The following BICC1 variants were observed in gnomAD, a reference collection of about 807,000 sequenced individuals.
BICC1 encodes the protein BicC family RNA binding protein 1, also known as protein bicaudal C homolog 1.
A neutral mutation model predicts 111.0 loss-of-function variants in BICC1; 43 were observed. The ratio of observed to expected loss-of-function variants is 0.39; its 90% CI spans 0.30 to 0.50. The LOEUF (loss-of-function observed/expected upper bound fraction) is 0.50. BICC1 is among the 20% of genes least tolerant of loss of function. BICC1 has a pLI of 0.88. For missense variants in BICC1, 1,091 were observed against 1,203.2 expected, an observed-to-expected ratio of 0.91 and a Z score of 1.38; for synonymous variants, 467 against 434.4, an observed-to-expected ratio of 1.07 and a Z score of -0.93.
chr10:58,720,538 G>C lies in BICC1; in HGVS notation c.307+18395G>C, dbSNP rs139592697. Among the ~76,000 whole-genome samples, 3 of 152,276 alleles carry C rather than the reference G, an allele frequency of 2.0e-5. No homozygotes were observed. The East Asian group carries it at 5.8e-4, about 29-fold the overall frequency. On this transcript the variant is annotated intron_variant, in intron 3 of 20. Coordinates refer to ENST00000373886, the MANE Select transcript of BICC1 (RefSeq NM_001080512.3). ...ATTCCTTAAGTATTGATAATTTCTA[G>C]TGTGGATCTCAAAGGGCTGGGGCAT...
chr10:58,715,756 A>C, intron 3 of BICC1: 1 of 1,503,160 alleles, frequency 6.7e-7, no homozygotes, highest in Non-Finnish European at 9.2e-7. Context: ...ATGAATGAGA[A>C]CTGGAAGAAA....
At chr10:58,608,025 A>G (rs1050411991) in intron 1 of BICC1, among the ~76,000 whole-genome samples, 4 of 152,130 alleles carry the variant, frequency 2.6e-5, no homozygotes, top group Admixed American at 1.3e-4. Context: ...GATATGTACT[A>G]TTTTAGAAGA....
At chr10:58,677,878 T>A (rs1173116849) in intron 2 of BICC1, among the ~76,000 whole-genome samples, 1 of 151,608 alleles carries the variant, frequency 6.6e-6, no homozygotes, top group Non-Finnish European at 1.5e-5. Flanking sequence ...CCAGAAAGAG[T>A]GGAGGCCAAT....
intron 3 of BICC1, among the ~76,000 whole-genome samples, chr10:58,739,539 T>G (rs2132595971): frequency 6.7e-4 from 1 of 1,502 alleles, no homozygotes; most frequent in Admixed American, 7.5e-3. Context: ...AAACTTTAGT[T>G]TAATTTTTTT....
At chr10:58,652,479 G>A (rs1838482468) in intron 2 of BICC1, among the ~76,000 whole-genome samples, 2 of 152,090 alleles carry the variant, frequency 1.3e-5, no homozygotes, top group African/African-American at 4.8e-5. Context: ...TTGCATGCAT[G>A]TGTGATTACA....
rs114725399 is a variant in BICC1, at chr10:58,536,200, C to G, written c.190+22867C>G. 4.9e-3 allele frequency among the ~76,000 whole-genome samples: 741 copies of G among 151,580 alleles called. 4 individuals are homozygous for G. Among genetic ancestry groups the G allele is most frequent in the African/African-American group, 0.017 (701 of 41,432 alleles). On this transcript the variant is annotated intron_variant, in intron 1 of 20. Coordinates refer to ENST00000373886, the MANE Select transcript of BICC1 (RefSeq NM_001080512.3). ...AGAAAGTCAACAAAGAAATACTGGA[C>G]TCTAGAACAAACTGACCTAAGAGAT...
chr10:58,625,798 A>G (rs1845971941), intron 2 of BICC1, among the ~76,000 whole-genome samples: 1 of 152,148 alleles, frequency 6.6e-6, no homozygotes, highest in African/African-American at 2.4e-5. Flanking sequence ...GGTGCATTAG[A>G]TGGTCTTAGA....
intron 2 of BICC1, among the ~76,000 whole-genome samples, chr10:58,695,236 C>G (rs947307347): frequency 6.6e-6 from 1 of 152,114 alleles, no homozygotes; most frequent in Admixed American, 6.6e-5. Flanking sequence ...CTTTTAGACG[C>G]CGCCTCGAGT....
intron 2 of BICC1, among the ~76,000 whole-genome samples, chr10:58,670,468 G>A (rs1383596436): frequency 6.6e-6 from 1 of 152,066 alleles, no homozygotes; most frequent in Admixed American, 6.6e-5. Flanking sequence ...ATCTGCCATG[G>A]CAACAAAAAT....
At chr10:58,748,964 C>G (rs984162621) in intron 3 of BICC1, among the ~76,000 whole-genome samples, 2 of 152,074 alleles carry the variant, frequency 1.3e-5, no homozygotes, top group Admixed American at 1.3e-4. Flanking sequence ...TTTGAGCTTG[C>G]CTAGGAAGAT....
intron 1 of BICC1, among the ~76,000 whole-genome samples, chr10:58,592,333 G>T (rs1330273732): frequency 6.6e-6 from 1 of 152,148 alleles, no homozygotes; most frequent in Non-Finnish European, 1.5e-5. Flanking sequence ...ACTGGGAACA[G>T]CTAGAACTGA....
At chr10:58,759,532 CA>C (rs1330988584) in intron 3 of BICC1, among the ~76,000 whole-genome samples, 7 of 151,838 alleles carry the variant, frequency 4.6e-5, no homozygotes, top group Non-Finnish European at 1.0e-4. Context: ...AGTTACAAGT[CA>C]AAACAGTAAA....
intron 2 of BICC1, among the ~76,000 whole-genome samples, chr10:58,675,906 G>A (rs770544257): frequency 6.6e-6 from 1 of 152,226 alleles, no homozygotes; most frequent in Admixed American, 6.5e-5. Context: ...CAGAAGGCGG[G>A]TGATTTCTGC....
chr10:58,592,682 G>T (rs11006198), intron 1 of BICC1, among the ~76,000 whole-genome samples: 43,258 of 149,660 alleles, frequency 0.29, 6,542 homozygotes, highest in East Asian at 0.45. Context: ...GCTACTGCAC[G>T]CCAGCCTGGG....
chr10:58,738,211 T>A lies in BICC1; in HGVS notation c.307+36068T>A, dbSNP rs1159536613. Reference sequence around the variant, plus strand: ...TGCCTAGGTTTTCTTCTAGGGTTTTTATGGTTTTAGGTCTAACAATTAAGT... The same window carrying A: ...TGCCTAGGTTTTCTTCTAGGGTTTTAATGGTTTTAGGTCTAACAATTAAGT... On this transcript the variant is annotated intron_variant, in intron 3 of 20. Transcript: ENST00000373886. Among the ~76,000 whole-genome samples, 9 of 152,368 alleles carry A rather than the reference T, an allele frequency of 5.9e-5. No individual in the cohort carries two copies. The East Asian group carries it at 7.7e-4, about 13-fold the overall frequency.
intron 2 of BICC1, among the ~76,000 whole-genome samples, chr10:58,661,761 A>C (rs1470540450): frequency 6.6e-6 from 1 of 152,204 alleles, no homozygotes; most frequent in Non-Finnish European, 1.5e-5. Flanking sequence ...TGCTTTAAGT[A>C]AATTTTTACT....
rs568366140 is a variant in BICC1 at position 58,523,649 on chromosome 10, A to G, written c.190+10316A>G. 2.3e-3 allele frequency among the ~76,000 whole-genome samples: 356 copies of G among 152,314 alleles called. 5 individuals are homozygous for G. The highest frequency in any genetic ancestry group is 8.3e-3 in the African/African-American group (345 of 41,568). Reference sequence around the variant, plus strand: ...TTCCCTTTGAAAACTGGCACAAGACAGGGATGCCCTCTCTCACCACTCCTA... The same window carrying G: ...TTCCCTTTGAAAACTGGCACAAGACGGGGATGCCCTCTCTCACCACTCCTA... On this transcript the variant is annotated intron_variant, in intron 1 of 20. Coordinates refer to ENST00000373886, the MANE Select transcript of BICC1 (RefSeq NM_001080512.3).
At chr10:58,533,938 A>C (rs2131861315) in intron 1 of BICC1, among the ~76,000 whole-genome samples, 1 of 151,972 alleles carries the variant, frequency 6.6e-6, no homozygotes, top group East Asian at 1.9e-4. Context: ...TAATTACTTT[A>C]AATGTAAATT....
intron 2 of BICC1, among the ~76,000 whole-genome samples, chr10:58,655,992 G>A (rs371468249): frequency 6.6e-6 from 1 of 151,906 alleles, no homozygotes; most frequent in Admixed American, 6.6e-5. Flanking sequence ...TCAAATAGAC[G>A]CAATAAAAAA....
Sources: allele counts gnomAD v4.1 joint callset (sites outside exome capture counted in the v4.1 genomes callset), GRCh38; gene constraint gnomAD v4.1.1; transcripts MANE v1.5; gene names NCBI Gene and HGNC (gene_info 2026-07-23, HGNC 2026-07-21).